Variants in FAR2 observed in about 807,000 individuals in gnomAD.
The protein encoded by FAR2 is fatty acyl-CoA reductase 2.
FAR2 carries 19 observed loss-of-function variants against 56.0 expected under a neutral mutation model. The ratio of observed to expected loss-of-function variants is 0.34; its 90% confidence interval spans 0.24 to 0.50. The LOEUF is 0.50. FAR2 is among the 20% of genes least tolerant of loss of function. FAR2 has a pLI of 0.98. For synonymous variants in FAR2, 219 were observed against 218.8 expected, an observed-to-expected ratio of 1.00 and a Z score of -0.01; for missense variants, 508 against 642.2, an observed-to-expected ratio of 0.79 and a Z score of 2.26.
intron 1 of FAR2, among the ~76,000 whole-genome samples, chr12:29,262,545 A>G (rs1421830261): frequency 3.3e-5 from 5 of 152,152 alleles, no homozygotes; most frequent in African/African-American, 7.2e-5. Context: ...CAAGAGAATC[A>G]CTTGAACCCG....
intron 1 of FAR2, among the ~76,000 whole-genome samples, chr12:29,262,350 G>C (rs1003773187): frequency 1.3e-5 from 2 of 152,120 alleles, no homozygotes; most frequent in Non-Finnish European, 2.9e-5. Context: ...AGAAATTAAG[G>C]CTTGGCGTGG....
At chr12:29,197,003 C>A (rs2136612335) in intron 1 of FAR2, among the ~76,000 whole-genome samples, 1 of 152,264 alleles carries the variant, frequency 6.6e-6, no homozygotes, top group Non-Finnish European at 1.5e-5. Flanking sequence ...TTGCCTCCAG[C>A]AGTCTAGTGC....
chr12:29,198,582 T>C (rs1947364648), intron 1 of FAR2, among the ~76,000 whole-genome samples: 1 of 152,202 alleles, frequency 6.6e-6, no homozygotes, highest in Non-Finnish European at 1.5e-5. Context: ...TGTTTATCAG[T>C]AATGTTCATA....
At chr12:29,325,835 A>G (rs1385910179) in intron 10 of FAR2, among the ~76,000 whole-genome samples, 1 of 152,238 alleles carries the variant, frequency 6.6e-6, no homozygotes, top group Non-Finnish European at 1.5e-5. Flanking sequence ...ATCACAATTA[A>G]AAGAACTAGA....
chr12:29,249,185 T>C lies in FAR2; in HGVS notation c.-38-21227T>C, dbSNP rs538694707. Among the ~76,000 whole-genome samples, 26 of 152,322 alleles carry C rather than the reference T, an allele frequency of 1.7e-4. 1 individual carries two copies. The South Asian group carries it at 2.5e-3, about 15-fold the overall frequency. On this transcript the variant is annotated intron_variant, in intron 1 of 11. Coordinates refer to ENST00000536681, the MANE Select transcript of FAR2 (RefSeq NM_001271783.2). Reference sequence around the variant, plus strand: ...AATCTTTACAATTTATGTTTAGAGATTGCAGTAAAGACAGGCATAAGAAAT... The same window carrying C: ...AATCTTTACAATTTATGTTTAGAGACTGCAGTAAAGACAGGCATAAGAAAT...
chr12:29,181,559 A>G (rs1326556947), intron 1 of FAR2, among the ~76,000 whole-genome samples: 3 of 146,748 alleles, frequency 2.0e-5, no homozygotes, highest in Non-Finnish European at 4.5e-5. Context: ...CTTCACAGAG[A>G]AGATGCAAGA....
chr12:29,279,171 T>C (rs1948747672), intron 2 of FAR2, among the ~76,000 whole-genome samples: 1 of 152,246 alleles, frequency 6.6e-6, no homozygotes, highest in Non-Finnish European at 1.5e-5. Context: ...TCATTTTTCA[T>C]GGTCATTTCT....
At chr12:29,270,127 T>A (rs1027186912) in intron 1 of FAR2, among the ~76,000 whole-genome samples, 5 of 152,218 alleles carry the variant, frequency 3.3e-5, no homozygotes, top group Non-Finnish European at 5.9e-5. Flanking sequence ...AACAGTCTCT[T>A]TATTGTCTGC....
At chr12:29,255,332 A>G (rs1016211069) in intron 1 of FAR2, among the ~76,000 whole-genome samples, 4 of 152,180 alleles carry the variant, frequency 2.6e-5, no homozygotes, top group South Asian at 2.1e-4. Context: ...CATCAGTCCT[A>G]TGAGATTAGG....
chr12:29,253,351 C>G (rs1251728479), intron 1 of FAR2, among the ~76,000 whole-genome samples: 1 of 148,878 alleles, frequency 6.7e-6, no homozygotes, highest in Non-Finnish European at 1.5e-5. Flanking sequence ...ATATCTATAT[C>G]TATCTATACA....
At chr12:29,176,924 A>G (rs548355568) in intron 1 of FAR2, among the ~76,000 whole-genome samples, 1 of 152,252 alleles carries the variant, frequency 6.6e-6, no homozygotes, top group South Asian at 2.1e-4. Flanking sequence ...GGCAGAAATT[A>G]TAGGTTAAAT....
At chr12:29,166,569 G>A (rs1949831745) in intron 1 of FAR2, among the ~76,000 whole-genome samples, 1 of 152,196 alleles carries the variant, frequency 6.6e-6, no homozygotes, top group African/African-American at 2.4e-5. Context: ...GCTCACATAT[G>A]TCCTCTCCTT....
chr12:29,305,427 C>T (rs750923033), intron 4 of FAR2, among the ~76,000 whole-genome samples: 6 of 152,094 alleles, frequency 3.9e-5, no homozygotes, highest in South Asian at 2.1e-4. Context: ...TTTGAGTCAC[C>T]GCACTTGGCC....
chr12:29,321,564 G>A (rs1016228749), intron 9 of FAR2, among the ~76,000 whole-genome samples: 1 of 152,162 alleles, frequency 6.6e-6, no homozygotes, highest in Non-Finnish European at 1.5e-5. Context: ...TAGAAAAGGA[G>A]TCTGGTATTA....
At chr12:29,224,132 C>T (rs1016053538) in intron 1 of FAR2, among the ~76,000 whole-genome samples, 1 of 152,172 alleles carries the variant, frequency 6.6e-6, no homozygotes, top group Non-Finnish European at 1.5e-5. Flanking sequence ...ACTTGGTTCA[C>T]CTTGTGCTGT....
At chr12:29,150,167 C>T (rs1392308632) in intron 1 of FAR2, among the ~76,000 whole-genome samples, 1 of 152,114 alleles carries the variant, frequency 6.6e-6, no homozygotes. Context: ...GCTCAACACT[C>T]CTAGCAAGTA....
intron 4 of FAR2, among the ~76,000 whole-genome samples, chr12:29,307,333 T>C (rs549198910): frequency 6.6e-6 from 1 of 152,356 alleles, no homozygotes; most frequent in African/African-American, 2.4e-5. Flanking sequence ...AAAGTAGTAC[T>C]AATAGTCCTA....
At chr12:29,265,059 C>G (rs1413013479) in intron 1 of FAR2, among the ~76,000 whole-genome samples, 5 of 152,150 alleles carry the variant, frequency 3.3e-5, no homozygotes, top group African/African-American at 1.2e-4. Context: ...ATTCCATGTT[C>G]ATGTGTTGGA....
chr12:29,200,000 G>C (rs1420166680), intron 1 of FAR2, among the ~76,000 whole-genome samples: 3 of 152,038 alleles, frequency 2.0e-5, no homozygotes, highest in Admixed American at 6.6e-5. Context: ...GAGAAGTATG[G>C]GCTATGATAA....
Sources: gnomAD v4.1 joint callset for allele counts (sites outside exome capture counted in the v4.1 genomes callset) on GRCh38, gnomAD v4.1.1 for gene constraint, MANE v1.5 for transcripts, NCBI Gene and HGNC (gene_info 2026-07-23, HGNC 2026-07-21) for gene names.